Variants in CDH12 observed in about 807,000 individuals in gnomAD.
CDH12 encodes the protein cadherin 12.
A neutral mutation model predicts 74.1 loss-of-function variants in CDH12; 41 were observed. The ratio of observed to expected loss-of-function variants is 0.55; its 90% CI spans 0.43 to 0.72. The LOEUF is 0.72. CDH12 is among the 30% of genes least tolerant of loss of function. The pLI is 0.00. For missense variants in CDH12, 945 were observed against 977.2 expected, an observed-to-expected ratio of 0.97 and a Z score of 0.44; for synonymous variants, 399 against 355.0, an observed-to-expected ratio of 1.12 and a Z score of -1.39.
At chr5:22,197,509 T>C (rs1750689801) in intron 4 of CDH12, among the ~76,000 whole-genome samples, 2 of 151,998 alleles carry the variant, frequency 1.3e-5, no homozygotes, top group African/African-American at 2.4e-5. Context: ...GCAAGGTAGA[T>C]TTTGCCAGAG....
chr5:22,082,672 G>A (rs1742820982), intron 4 of CDH12, among the ~76,000 whole-genome samples: 1 of 152,168 alleles, frequency 6.6e-6, no homozygotes, highest in African/African-American at 2.4e-5. Flanking sequence ...ACTGTGTGTT[G>A]TTTCATAAGC....
intron 2 of CDH12, among the ~76,000 whole-genome samples, chr5:22,463,018 A>G (rs1745581899): frequency 6.6e-6 from 1 of 152,222 alleles, no homozygotes; most frequent in South Asian, 2.1e-4. Context: ...GTTCCAGTAA[A>G]TGAACAGGCA....
At chr5:22,318,806 A>T (rs575864410) in intron 3 of CDH12, among the ~76,000 whole-genome samples, 1 of 152,310 alleles carries the variant, frequency 6.6e-6, no homozygotes, top group South Asian at 2.1e-4. Flanking sequence ...AAATGTTGAG[A>T]CTATTTTAAT....
chr5:22,512,969 G>A (rs987210324), intron 1 of CDH12, among the ~76,000 whole-genome samples: 8 of 152,108 alleles, frequency 5.3e-5, no homozygotes, highest in African/African-American at 1.7e-4. Context: ...CCCAGGAGGC[G>A]GAGGTTGCAG....
At chr5:22,129,558 C>T (rs1746067796) in intron 4 of CDH12, among the ~76,000 whole-genome samples, 1 of 152,022 alleles carries the variant, frequency 6.6e-6, no homozygotes, top group Non-Finnish European at 1.5e-5. Flanking sequence ...ACAAAAAGTG[C>T]ATGTTGAAAT....
intron 4 of CDH12, among the ~76,000 whole-genome samples, chr5:22,180,503 TTTTTTTA>T (rs951832679): frequency 2.5e-4 from 38 of 151,058 alleles, no homozygotes; most frequent in Admixed American, 1.6e-3. Context: ...TTTTTGTTTA[TTTTTTTA>T]TTTTTTATTT....
chr5:21,883,210 T>G lies in CDH12; in HGVS notation c.527-28420A>C, dbSNP rs1460662729. ...ATCACAGTAAAGGATGGAAAAACAC[T>G]GAATGATGAATTAGAAATTATTGAA... On this transcript the variant is annotated intron_variant, in intron 6 of 14. Transcript: ENST00000382254. 3 of 1,380,574 alleles carry G rather than the reference T, an allele frequency of 2.2e-6. No homozygotes were observed. In the East Asian group the frequency reaches 6.9e-5, roughly 32 times the overall value. 85.5% of individuals were successfully genotyped at this position (1,380,574 alleles called of 1,614,324 possible).
intron 1 of CDH12, among the ~76,000 whole-genome samples, chr5:22,821,735 T>C (rs1306691092): frequency 8.3e-4 from 124 of 150,070 alleles, no homozygotes; most frequent in African/African-American, 3.0e-3. Context: ...TAAAAGAGGA[T>C]ACAAACAAAT....
chr5:22,136,802 A>C (rs1422066308), intron 4 of CDH12, among the ~76,000 whole-genome samples: 1 of 151,654 alleles, frequency 6.6e-6, no homozygotes, highest in East Asian at 1.9e-4. Context: ...TACCGTAATC[A>C]GATAGACATA....
intron 9 of CDH12, among the ~76,000 whole-genome samples, chr5:21,806,489 G>T (rs748835637): frequency 1.3e-5 from 2 of 152,102 alleles, no homozygotes; most frequent in Non-Finnish European, 2.9e-5. Context: ...GCCACTAAAC[G>T]TGATTTACCA....
Position 22,277,464 on chromosome 5 carries a change from GAT to G in CDH12, c.-332-64823_-332-64822del, listed in dbSNP as rs150264989. On this transcript the variant is annotated intron_variant, in intron 3 of 14. Transcript: ENST00000382254. Reference sequence around the variant, plus strand: ...GCTAGGACAGGTCACTCTGCCCAGAGATATCTTCTCTGAGACCCATAGTGCTA... The same window carrying G: ...GCTAGGACAGGTCACTCTGCCCAGAGATCTTCTCTGAGACCCATAGTGCTA... Among the ~76,000 whole-genome samples the G allele has an allele frequency of 1.8e-3, 271 of 152,250 alleles. 2 individuals carry two copies. The East Asian group carries it at 0.021, about 12-fold the overall frequency.
chr5:22,278,842 A>C (rs1054565182), intron 3 of CDH12, among the ~76,000 whole-genome samples: 2 of 152,144 alleles, frequency 1.3e-5, no homozygotes, highest in Non-Finnish European at 2.9e-5. Flanking sequence ...TTTTAAAGAG[A>C]CCAAAATAAA....
At chr5:22,848,097 T>A (rs991015789) in intron 1 of CDH12, among the ~76,000 whole-genome samples, 6 of 152,230 alleles carry the variant, frequency 3.9e-5, no homozygotes, top group African/African-American at 1.2e-4. Flanking sequence ...TGTGTTCAAG[T>A]CTCTATAAAA....
intron 4 of CDH12, among the ~76,000 whole-genome samples, chr5:22,150,278 G>A (rs184852176): frequency 2.2e-4 from 34 of 151,974 alleles, no homozygotes; most frequent in Admixed American, 9.8e-4. Context: ...CACAAAGTGA[G>A]TTAATATTTG....
intron 1 of CDH12, among the ~76,000 whole-genome samples, chr5:22,708,749 AGGGTG>A (rs1253927143): frequency 6.6e-6 from 1 of 152,152 alleles, no homozygotes; most frequent in East Asian, 1.9e-4. Flanking sequence ...ACAGATATTG[AGGGTG>A]AAATAAATAA....
chr5:22,730,145 G>A (rs1744360333), intron 1 of CDH12, among the ~76,000 whole-genome samples: 2 of 151,506 alleles, frequency 1.3e-5, no homozygotes, highest in South Asian at 4.2e-4. Context: ...TATCAATTCT[G>A]CCAGTAAGTT....
chr5:22,794,886 G>A lies in CDH12; in HGVS notation c.-523+58172C>T, dbSNP rs142761314. The stretch of plus-strand genomic sequence containing the variant: ...AAGAAAGACAACAGATTCAAAGTAA[G>A]AGAGGAACTATGAGCATGGAAGCAG... On this transcript the variant is annotated intron_variant, in intron 1 of 14. Transcript: ENST00000382254. Among the ~76,000 whole-genome samples the A allele has an allele frequency of 1.1e-3, 160 of 152,206 alleles. 1 individual carries two copies. The highest frequency in any genetic ancestry group is 1.4e-3 in the Non-Finnish European group (98 of 67,990).
At chr5:22,265,702 T>C (rs768195249) in intron 3 of CDH12, among the ~76,000 whole-genome samples, 29 of 152,098 alleles carry the variant, frequency 1.9e-4, no homozygotes, top group Non-Finnish European at 3.8e-4. Flanking sequence ...AGTACTGAAG[T>C]AGAAATTAAC....
At chr5:21,803,003 T>G (rs1235857834) in intron 9 of CDH12, among the ~76,000 whole-genome samples, 1 of 152,164 alleles carries the variant, frequency 6.6e-6, no homozygotes, top group Non-Finnish European at 1.5e-5. Flanking sequence ...TAGGGCTTAA[T>G]CATTTTATAT....
Sources: gnomAD v4.1 joint callset for allele counts (sites outside exome capture counted in the v4.1 genomes callset) on GRCh38, gnomAD v4.1.1 for gene constraint, MANE v1.5 for transcripts, NCBI Gene and HGNC (gene_info 2026-07-23, HGNC 2026-07-21) for gene names.